Variants in SYBU observed in about 807,000 individuals in gnomAD.
SYBU encodes syntabulin, also known as GOLSYN A protein.
In SYBU, 21 loss-of-function variants were observed where a neutral mutation model predicts 35.9. That is an observed-to-expected ratio of 0.58 (90% CI 0.41 to 0.84). The LOEUF is 0.84. Among genes scored for constraint, SYBU ranks in the 40% least tolerant of loss-of-function variants. SYBU has a pLI of 0.00. For missense variants in SYBU, 768 were observed against 848.2 expected, an observed-to-expected ratio of 0.91 and a Z score of 1.17; for synonymous variants, 319 against 324.3, an observed-to-expected ratio of 0.98 and a Z score of 0.18.
At chr8:109,615,800 A>C (rs529739921) in intron 3 of SYBU, among the ~76,000 whole-genome samples, 20 of 152,100 alleles carry the variant, frequency 1.3e-4, no homozygotes, top group Non-Finnish European at 2.9e-4. Flanking sequence ...AAATGCTAAC[A>C]AATGAGATCC....
intron 3 of SYBU, among the ~76,000 whole-genome samples, chr8:109,617,966 T>C (rs1441371504): frequency 1.3e-5 from 2 of 152,150 alleles, no homozygotes; most frequent in Non-Finnish European, 2.9e-5. Context: ...CTTGGCCCCA[T>C]CAAAATAAAA....
chr8:109,626,119 T>C (rs753466182), intron 2 of SYBU, among the ~76,000 whole-genome samples: 8 of 152,192 alleles, frequency 5.3e-5, no homozygotes, highest in Non-Finnish European at 1.0e-4. Context: ...AATTTTTCTG[T>C]TTGGAAGTTC....
chr8:109,685,400 T>C (rs558494568), upstream of SYBU, among the ~76,000 whole-genome samples: 1 of 152,356 alleles, frequency 6.6e-6, no homozygotes, highest in South Asian at 2.1e-4. Context: ...CAATTCTAGC[T>C]CTTTTTGCAC....
chr8:109,657,807 T>C (rs898774515), intron 1 of SYBU, among the ~76,000 whole-genome samples: 5 of 152,190 alleles, frequency 3.3e-5, no homozygotes, highest in African/African-American at 1.2e-4. Flanking sequence ...TTAATAAACA[T>C]TTCATGTTCT....
chr8:109,659,882 T>A (rs895447694), intron 1 of SYBU, among the ~76,000 whole-genome samples: 1 of 152,190 alleles, frequency 6.6e-6, no homozygotes, highest in Non-Finnish European at 1.5e-5. Flanking sequence ...GGCAGTTTTT[T>A]TAATTTATTG....
chr8:109,619,952 T>A (rs2130377553), intron 2 of SYBU, among the ~76,000 whole-genome samples: 1 of 152,322 alleles, frequency 6.6e-6, no homozygotes, highest in South Asian at 2.1e-4. Flanking sequence ...AAATGTTCCT[T>A]TAACTTTCAA....
chr8:109,629,842 T>C (rs1813403362), intron 2 of SYBU, among the ~76,000 whole-genome samples: 1 of 152,174 alleles, frequency 6.6e-6, no homozygotes, highest in Non-Finnish European at 1.5e-5. Flanking sequence ...CCATTCTAAC[T>C]GGTGTGAGAT....
intron 1 of SYBU, among the ~76,000 whole-genome samples, chr8:109,674,304 A>G (rs995665532): frequency 1.3e-5 from 2 of 152,138 alleles, no homozygotes; most frequent in Non-Finnish European, 2.9e-5. Context: ...GGTTACTCAC[A>G]AAGGGAAGCC....
chr8:109,634,624 A>G (rs7003380), intron 2 of SYBU, among the ~76,000 whole-genome samples: 53,131 of 152,044 alleles, frequency 0.35, 11,473 homozygotes, highest in African/African-American at 0.61. Flanking sequence ...GTCTTGGGGA[A>G]TCAGGTAACC....
chr8:109,607,825 C>CACACACACAG, intron 3 of SYBU: 1 of 703,964 alleles, frequency 1.4e-6, no homozygotes, highest in South Asian at 1.8e-5. Context: ...CACACACACA[C>CACACACACAG]ACACACACAC....
rs768840076 is a variant in SYBU, at chr8:109,575,455, A to T, written c.1443T>A (p.Ser481Arg). 106 of 1,613,784 alleles carry T rather than the reference A, an allele frequency of 6.6e-5. No homozygotes were observed. Among genetic ancestry groups the T allele is most frequent in the Non-Finnish European group, 8.3e-5 (98 of 1,180,002 alleles). The change falls in exon 7 of 7, where the codon AGT (serine) becomes AGA (arginine). Residue 481 changes from serine to arginine, a missense_variant. Transcript: ENST00000276646. ...LPIVMGQEEG[S>R]VVVERAVQTD... ...TCTGAACGGCTCGCTCCACCACCAC[A>T]CTGCCCTCCTCCTGACCCATGACTA...
intron 2 of SYBU, among the ~76,000 whole-genome samples, chr8:109,638,101 C>T (rs1814429070): frequency 6.6e-6 from 1 of 152,172 alleles, no homozygotes; most frequent in African/African-American, 2.4e-5. Context: ...TCCCATAAAA[C>T]AACTAGTCTT....
At chr8:109,672,628 CTGAAGGAGTCATTTTT>C in intron 1 of SYBU, among the ~76,000 whole-genome samples, 1 of 152,332 alleles carries the variant, frequency 6.6e-6, no homozygotes, top group Non-Finnish European at 1.5e-5. Flanking sequence ...AGCGAGCTAG[CTGAAGGAGTCATTTTT>C]TCAAACCCAG....
chr8:109,663,887 A>T (rs1816663747), intron 1 of SYBU, among the ~76,000 whole-genome samples: 1 of 152,188 alleles, frequency 6.6e-6, no homozygotes, highest in Non-Finnish European at 1.5e-5. Flanking sequence ...TTAAAACTTA[A>T]AAGTATTGTG....
intron 1 of SYBU, among the ~76,000 whole-genome samples, chr8:109,668,551 G>C (rs1269096246): frequency 6.6e-6 from 1 of 152,182 alleles, no homozygotes; most frequent in Middle Eastern, 3.2e-3. Flanking sequence ...GTATGTATGT[G>C]TGCTATGGAG....
At chr8:109,668,162 G>GGGGGAGAGAGAGAGA (rs1816826725) in intron 1 of SYBU, among the ~76,000 whole-genome samples, 1 of 101,512 alleles carries the variant, frequency 9.9e-6, no homozygotes, top group African/African-American at 4.3e-5. Flanking sequence ...GAGGGGGAGA[G>GGGGGAGAGAGAGAGA]GGGGAGAGAG....
intron 1 of SYBU, chr8:109,680,351 A>G (rs1817356568): frequency 6.6e-6 from 1 of 152,262 alleles, no homozygotes; most frequent in South Asian, 2.1e-4. Flanking sequence ...CAATCGGATC[A>G]GAGAGACTCA....
chr8:109,630,251 T>C (rs1813458184), intron 2 of SYBU, among the ~76,000 whole-genome samples: 4 of 123,606 alleles, frequency 3.2e-5, no homozygotes, highest in African/African-American at 1.3e-4. Flanking sequence ...GGAAGGGGAA[T>C]ATCACACTCT....
At chr8:109,662,399 A>G (rs1481657856) in intron 1 of SYBU, among the ~76,000 whole-genome samples, 1 of 152,148 alleles carries the variant, frequency 6.6e-6, no homozygotes, top group Non-Finnish European at 1.5e-5. Context: ...CATCTCATCC[A>G]TACTTTTTTA....
Sources: gnomAD v4.1 joint callset for allele counts (sites outside exome capture counted in the v4.1 genomes callset) on GRCh38, gnomAD v4.1.1 for gene constraint, MANE v1.5 for transcripts, NCBI Gene and HGNC (gene_info 2026-07-23, HGNC 2026-07-21) for gene names.